The following NCALD variants were observed in gnomAD, a reference collection of about 807,000 sequenced individuals.
The protein encoded by NCALD is neurocalcin-delta.
A neutral mutation model predicts 18.6 loss-of-function variants in NCALD; 10 were observed. That is an observed-to-expected ratio of 0.54 (90% CI 0.33 to 0.91). The LOEUF (loss-of-function observed/expected upper bound fraction) is 0.91, where lower values mean the gene tolerates loss of function less well. NCALD is among the 40% of genes least tolerant of loss of function. The probability of loss-of-function intolerance (pLI) is 0.03; values close to 1 mark genes in which losing one functional copy is unlikely to be tolerated. For missense variants in NCALD, 184 were observed against 247.6 expected, an observed-to-expected ratio of 0.74 and a Z score of 1.72; for synonymous variants, 88 against 87.4, an observed-to-expected ratio of 1.01 and a Z score of -0.04.
At chr8:101,820,269 G>A (rs1373668540) in intron 4 of NCALD, among the ~76,000 whole-genome samples, 2 of 152,100 alleles carry the variant, frequency 1.3e-5, no homozygotes, top group East Asian at 1.9e-4. Context: ...TTTAAACCAG[G>A]GACTTTGCCT....
At chr8:101,732,075 G>C (rs1023751503) in intron 1 of NCALD, among the ~76,000 whole-genome samples, 7 of 152,234 alleles carry the variant, frequency 4.6e-5, no homozygotes, top group South Asian at 2.1e-4. Context: ...ATCCAGGGAA[G>C]AGGAGGGTGC....
Position 101,775,433 on chromosome 8 carries a change from T to C in NCALD, c.-20+15429A>G, listed in dbSNP as rs576211674. ...ACGTTTAGCTGGTGTGCGTTAAGAA[T>C]CACCACAGGTTTTATAGAGGCAGAT... On this transcript the variant is annotated intron_variant, in intron 1 of 3. Transcript: ENST00000220931. Among the ~76,000 whole-genome samples the C allele has an allele frequency of 3.3e-5, 5 of 152,274 alleles. No homozygotes were observed. The East Asian group carries it at 5.8e-4, about 18-fold the overall frequency.
At chr8:101,693,557 G>A (rs986577453) in intron 2 of NCALD, 1 of 151,952 alleles carries the variant, frequency 6.6e-6, no homozygotes, top group African/African-American at 2.4e-5. Flanking sequence ...AAAGGGGTGG[G>A]GCTGAGAGTC....
intron 1 of NCALD, among the ~76,000 whole-genome samples, chr8:102,050,285 C>A (rs1003308156): frequency 6.9e-6 from 1 of 144,302 alleles, no homozygotes; most frequent in Non-Finnish European, 1.5e-5. Flanking sequence ...TCGAAGATTT[C>A]TTCAAGTCTG....
intron 3 of NCALD, among the ~76,000 whole-genome samples, chr8:101,904,205 A>G (rs564381955): frequency 6.6e-6 from 1 of 152,186 alleles, no homozygotes; most frequent in Non-Finnish European, 1.5e-5. Flanking sequence ...AATTGCTCCC[A>G]GTTGGATGAA....
At position 101,757,086 on chromosome 8, in the gene NCALD, T is replaced by C. The variant is rs538902622; in HGVS notation, c.-20+33776A>G. Among the ~76,000 whole-genome samples the C allele has an allele frequency of 3.9e-5, 6 of 152,352 alleles. No homozygotes were observed. The South Asian group carries it at 1.2e-3, about 32-fold the overall frequency. On this transcript the variant is annotated intron_variant, in intron 1 of 3. Transcript: ENST00000220931. Reference sequence around the variant, plus strand: ...TATTTCATGCCATAATCCTTTTTTCTTCCTCTTGCTTCCTCCTGAGTTCCA... The same window carrying C: ...TATTTCATGCCATAATCCTTTTTTCCTCCTCTTGCTTCCTCCTGAGTTCCA...
chr8:101,817,796 C>A (rs541203313), intron 4 of NCALD, among the ~76,000 whole-genome samples: 2 of 152,264 alleles, frequency 1.3e-5, no homozygotes, highest in South Asian at 4.2e-4. Flanking sequence ...CTAAGCCATC[C>A]ATTTTTTAAA....
chr8:101,946,904 T>G (rs1395853492), intron 2 of NCALD, among the ~76,000 whole-genome samples: 1 of 149,046 alleles, frequency 6.7e-6, no homozygotes, highest in Non-Finnish European at 1.5e-5. Context: ...ACCATAGACA[T>G]CTCAACTGGT....
At chr8:102,064,753 T>C (rs1823950423) in intron 1 of NCALD, among the ~76,000 whole-genome samples, 2 of 152,104 alleles carry the variant, frequency 1.3e-5, no homozygotes, top group Admixed American at 6.5e-5. Context: ...AAAAATCACA[T>C]ACCACACAGG....
intron 1 of NCALD, among the ~76,000 whole-genome samples, chr8:102,096,877 T>C (rs1030796184): frequency 2.6e-5 from 4 of 152,224 alleles, no homozygotes; most frequent in African/African-American, 9.7e-5. Flanking sequence ...TGTCCAATTA[T>C]TTGTTCAAAA....
chr8:101,779,042 T>C (rs1811908413), intron 1 of NCALD, among the ~76,000 whole-genome samples: 1 of 152,196 alleles, frequency 6.6e-6, no homozygotes, highest in African/African-American at 2.4e-5. Flanking sequence ...GCTTTCCAGG[T>C]TGCTAGAAGA....
chr8:101,841,496 G>C (rs945003716), intron 4 of NCALD, among the ~76,000 whole-genome samples: 2 of 152,076 alleles, frequency 1.3e-5, no homozygotes, highest in Non-Finnish European at 2.9e-5. Flanking sequence ...TACCCATTAG[G>C]TGCCAATAGC....
chr8:101,983,600 G>T (rs564978983), intron 2 of NCALD, among the ~76,000 whole-genome samples: 24 of 152,298 alleles, frequency 1.6e-4, no homozygotes, highest in African/African-American at 5.8e-4. Flanking sequence ...AGGGTTGTGT[G>T]TATGTGTTGT....
intron 2 of NCALD, among the ~76,000 whole-genome samples, chr8:101,967,058 G>A (rs1820058732): frequency 6.6e-6 from 1 of 152,084 alleles, no homozygotes; most frequent in Non-Finnish European, 1.5e-5. Flanking sequence ...AAAAGCAGTT[G>A]GAATGCTTGA....
chr8:101,833,253 C>T (rs1021500070), intron 4 of NCALD, among the ~76,000 whole-genome samples: 1 of 152,064 alleles, frequency 6.6e-6, no homozygotes, highest in Admixed American at 6.5e-5. Flanking sequence ...TTGGGAGAGG[C>T]CTAAAAGTCT....
intron 1 of NCALD, chr8:101,750,195 C>T (rs184470210): frequency 2.1e-5 from 3 of 145,608 alleles, no homozygotes; most frequent in Admixed American, 1.4e-4. Flanking sequence ...AGTAACTGCC[C>T]TCATGATTAA....
chr8:102,079,318 T>A (rs1284831896), intron 1 of NCALD, among the ~76,000 whole-genome samples: 1 of 152,208 alleles, frequency 6.6e-6, no homozygotes, highest in Non-Finnish European at 1.5e-5. Flanking sequence ...AGCAAACGCA[T>A]CCTGGCTATG....
chr8:102,034,570 T>C lies in NCALD; in HGVS notation c.-209-14281A>G, dbSNP rs935070641. On this transcript the variant is annotated intron_variant, in intron 1 of 6. Coordinates refer to the NCALD transcript ENST00000311028. The stretch of plus-strand genomic sequence containing the variant: ...GAAAGAAAGCAGCATGACACATTTC[T>C]CAGAATAACTCACCAATTGGCTTCT... Among the ~76,000 whole-genome samples, 8 of 152,208 alleles carry C rather than the reference T, an allele frequency of 5.3e-5. No homozygotes were observed. The South Asian group carries it at 1.4e-3, about 28-fold the overall frequency.
intron 4 of NCALD, among the ~76,000 whole-genome samples, chr8:101,809,588 G>A (rs1375590595): frequency 6.6e-6 from 1 of 152,104 alleles, no homozygotes; most frequent in Non-Finnish European, 1.5e-5. Flanking sequence ...ACTCTGTTGT[G>A]CAGGCTGGAG....
Sources: gnomAD v4.1 joint callset for allele counts (sites outside exome capture counted in the v4.1 genomes callset) on GRCh38, gnomAD v4.1.1 for gene constraint, MANE v1.5 for transcripts, NCBI Gene and HGNC (gene_info 2026-07-23, HGNC 2026-07-21) for gene names.